The following ZSWIM6 variants were observed in gnomAD, a reference collection of about 807,000 sequenced individuals.
ZSWIM6 encodes the protein zinc finger SWIM-type containing 6, also known as zinc finger SWIM domain-containing protein 6.
In ZSWIM6, 9 loss-of-function variants were observed where a neutral mutation model predicts 113.2. The observed-to-expected ratio is 0.08, with a 90% CI of 0.05 to 0.14. The LOEUF (loss-of-function observed/expected upper bound fraction) is 0.14. ZSWIM6 is among the 10% of genes least tolerant of loss of function. ZSWIM6 has a pLI of 1.00. For synonymous variants in ZSWIM6, 611 were observed against 606.5 expected, an observed-to-expected ratio of 1.01 and a Z score of -0.11; for missense variants, 1,162 against 1,552.2, an observed-to-expected ratio of 0.75 and a Z score of 4.22.
intron 1 of ZSWIM6, among the ~76,000 whole-genome samples, chr5:61,376,481 C>T (rs1745375917): frequency 1.4e-5 from 2 of 145,390 alleles, no homozygotes; most frequent in South Asian, 4.5e-4. Flanking sequence ...CTTTACTGAG[C>T]TTAGTGTCAT....
At chr5:61,372,237 C>A (rs1745281752) in intron 1 of ZSWIM6, among the ~76,000 whole-genome samples, 2 of 151,692 alleles carry the variant, frequency 1.3e-5, no homozygotes, top group African/African-American at 2.4e-5. Context: ...AAAAAAAAAG[C>A]CCTCCTTTGA....
At chr5:61,490,088 A>G (rs1249573616) in intron 2 of ZSWIM6, among the ~76,000 whole-genome samples, 23 of 152,076 alleles carry the variant, frequency 1.5e-4, no homozygotes, top group Admixed American at 1.4e-3. Context: ...AAATAATGAA[A>G]CAATCTTTAC....
intron 1 of ZSWIM6, among the ~76,000 whole-genome samples, chr5:61,412,326 G>A (rs1051068217): frequency 9.8e-5 from 15 of 152,292 alleles, no homozygotes; most frequent in East Asian, 1.9e-4. Flanking sequence ...AAATGGGGTC[G>A]GGAGAGAAGC....
Position 61,429,326 on chromosome 5 carries a change from CACAAGATGGTAGGGGCAG to C in ZSWIM6, c.677-43353_677-43336del, listed in dbSNP as rs1174372855. Among the ~76,000 whole-genome samples, 4 of 152,084 alleles carry C rather than the reference CACAAGATGGTAGGGGCAG, an allele frequency of 2.6e-5. No individual in the cohort carries two copies. In the East Asian group the frequency reaches 7.7e-4, roughly 29 times the overall value. ...TGTAGTGGCGATGCTTAATTCAAGC[CACAAGATGGTAGGGGCAG>C]AGAGCCTATCTGTTTAAGGTAAGAG... On this transcript the variant is annotated intron_variant, in intron 1 of 13. Coordinates refer to ENST00000252744, the MANE Select transcript of ZSWIM6 (RefSeq NM_020928.2).
At chr5:61,479,627 G>A (rs1747803225) in intron 2 of ZSWIM6, among the ~76,000 whole-genome samples, 1 of 152,160 alleles carries the variant, frequency 6.6e-6, no homozygotes, top group Non-Finnish European at 1.5e-5. Context: ...ACCTCCCACT[G>A]TAAGGCTATT....
chr5:61,454,671 T>C (rs1366208496), intron 1 of ZSWIM6, among the ~76,000 whole-genome samples: 1 of 149,844 alleles, frequency 6.7e-6, no homozygotes, highest in Non-Finnish European at 1.5e-5. Context: ...AACCTCTGCC[T>C]CCCAGGTTCA....
chr5:61,540,521 T>C (rs1292505701), intron 12 of ZSWIM6, among the ~76,000 whole-genome samples: 4 of 152,182 alleles, frequency 2.6e-5, no homozygotes, highest in African/African-American at 9.7e-5. Flanking sequence ...GATTCTCCCT[T>C]ACAGTGACTA....
At chr5:61,439,791 G>A (rs1464835994) in intron 1 of ZSWIM6, among the ~76,000 whole-genome samples, 2 of 152,124 alleles carry the variant, frequency 1.3e-5, no homozygotes, top group African/African-American at 4.8e-5. Flanking sequence ...TAGCTTTTAA[G>A]TTTACTAGAT....
rs1485776899 is a variant in ZSWIM6 at position 61,360,982 on chromosome 5, T to C, written c.676+28034T>C. On this transcript the variant is annotated intron_variant, in intron 1 of 13. Coordinates refer to ENST00000252744, the MANE Select transcript of ZSWIM6 (RefSeq NM_020928.2). ...GTGTGTTATATAAGAAGCCCCTTAA[T>C]GTTAATTTTATATTTAAATCAGGAC... is the stretch of plus-strand genomic sequence containing the variant. Among the ~76,000 whole-genome samples, 8 of 152,298 alleles carry C rather than the reference T, an allele frequency of 5.3e-5. No homozygotes were observed. The East Asian group carries it at 1.5e-3, about 29-fold the overall frequency.
chr5:61,469,597 T>C (rs1747517304), intron 1 of ZSWIM6, among the ~76,000 whole-genome samples: 1 of 152,246 alleles, frequency 6.6e-6, no homozygotes, highest in Non-Finnish European at 1.5e-5. Context: ...ATGTCAAGAT[T>C]CAATATACTT....
intron 4 of ZSWIM6, among the ~76,000 whole-genome samples, chr5:61,514,593 A>T (rs1280101566): frequency 2.6e-5 from 4 of 152,118 alleles, no homozygotes; most frequent in African/African-American, 9.7e-5. Flanking sequence ...AGGAATGTCA[A>T]ATTTTGCCAA....
chr5:61,455,430 G>A (rs1747184912), intron 1 of ZSWIM6, among the ~76,000 whole-genome samples: 1 of 152,150 alleles, frequency 6.6e-6, no homozygotes, highest in African/African-American at 2.4e-5. Flanking sequence ...GAACTCAGAA[G>A]AAAATCTCCG....
chr5:61,449,579 G>A (rs1747041405), intron 1 of ZSWIM6, among the ~76,000 whole-genome samples: 1 of 152,236 alleles, frequency 6.6e-6, no homozygotes, highest in East Asian at 1.9e-4. Flanking sequence ...AAGGCCATAT[G>A]TACCACTTCA....
intron 1 of ZSWIM6, among the ~76,000 whole-genome samples, chr5:61,372,728 G>A (rs1745290732): frequency 6.6e-6 from 1 of 152,096 alleles, no homozygotes; most frequent in Non-Finnish European, 1.5e-5. Context: ...TTACACTTGT[G>A]CCTCAGACTT....
chr5:61,472,703 G>A lies in ZSWIM6; in HGVS notation c.699G>A (p.Val233=). ...AAGGTTTCCACTTGAGCGGCACAGT[G>A]ACAGAACCTGCAATACAATCGGAGC... ...LQVGFHLSGT[V]TEPAIQSEPE... The change falls in exon 2 of 14, where the codon GTG becomes GTA. Residue 233 remains valine (V), a synonymous_variant. Transcript: ENST00000252744. The surrounding 1 kb of genome is among the most constrained non-coding windows in gnomAD (Gnocchi z 4.1). 1 of 1,540,052 alleles carries A rather than the reference G, an allele frequency of 6.5e-7. No individual in the cohort carries two copies. Among genetic ancestry groups the A allele is most frequent in the African/African-American group, 1.4e-5 (1 of 72,990 alleles).
intron 4 of ZSWIM6, among the ~76,000 whole-genome samples, chr5:61,502,309 A>G (rs907833274): frequency 3.3e-5 from 5 of 152,126 alleles, no homozygotes; most frequent in Non-Finnish European, 7.4e-5. Flanking sequence ...TATACATGCT[A>G]TCATAGTTAA....
chr5:61,383,020 C>T (rs1443116896), intron 1 of ZSWIM6, among the ~76,000 whole-genome samples: 1 of 152,074 alleles, frequency 6.6e-6, no homozygotes, highest in Admixed American at 6.5e-5. Flanking sequence ...CCTTTAATTT[C>T]AAATCATCGA....
intron 1 of ZSWIM6, among the ~76,000 whole-genome samples, chr5:61,457,246 T>G (rs1420168617): frequency 6.6e-6 from 1 of 152,202 alleles, no homozygotes; most frequent in Non-Finnish European, 1.5e-5. Context: ...GTTCGTACTG[T>G]GCCAAAGAAA....
At chr5:61,480,237 A>C (rs776273414) in intron 2 of ZSWIM6, among the ~76,000 whole-genome samples, 2 of 152,226 alleles carry the variant, frequency 1.3e-5, no homozygotes, top group South Asian at 4.1e-4. Context: ...TACGTATACT[A>C]TTGAACTGCT....
Sources: gnomAD v4.1 joint callset for allele counts (sites outside exome capture counted in the v4.1 genomes callset) on GRCh38, gnomAD v4.1.1 for gene constraint, Gnocchi (gnomAD v3.1) non-coding constraint, MANE v1.5 for transcripts, NCBI Gene and HGNC (gene_info 2026-07-23, HGNC 2026-07-21) for gene names.